RFX4: variants seen among roughly 807,000 people sequenced by gnomAD.
RFX4 encodes regulatory factor X4.
Under a neutral mutation model 95.0 loss-of-function variants are expected in RFX4, and 10 were observed. The ratio of observed to expected loss-of-function variants is 0.11; its 90% confidence interval spans 0.06 to 0.18. The LOEUF (loss-of-function observed/expected upper bound fraction) is 0.18. Ranked by LOEUF, RFX4 falls within the 10% of genes least tolerant of loss-of-function variation. The pLI is 1.00. For synonymous variants in RFX4, 321 were observed against 340.7 expected (o/e 0.94, Z 0.64); for missense variants, 640 against 922.0 (o/e 0.69, Z 3.96).
chr12:106,717,797 T>G (rs2042322129), intron 11 of RFX4, among the ~76,000 whole-genome samples: 1 of 152,182 alleles, frequency 6.6e-6, no homozygotes, highest in Non-Finnish European at 1.5e-5. Context: ...GTACCAAGCC[T>G]CAAGGCAGTC....
rs2041307544 is a variant in RFX4, at chr12:106,672,693, C to G, written c.316-9300C>G. On this transcript the variant is annotated intron_variant, in intron 4 of 17. Transcript: ENST00000392842. The stretch of plus-strand genomic sequence containing the variant: ...CTAAATTGTGCTGGGCTTTCAGATT[C>G]AGGGACCAGTTGATTATTTGGTGAA... Among the ~76,000 whole-genome samples the G allele has an allele frequency of 2.0e-5, 3 of 150,362 alleles. No individual in the cohort carries two copies. The Admixed American group carries it at 2.0e-4, about 10-fold the overall frequency.
At chr12:106,695,079 G>A (rs190343297) in intron 7 of RFX4, among the ~76,000 whole-genome samples, 239 of 152,222 alleles carry the variant, frequency 1.6e-3, no homozygotes, top group African/African-American at 5.3e-3. Context: ...GCCCCAAAAT[G>A]TTAGACTAGA....
At chr12:106,621,563 G>A (rs189624131) in intron 2 of RFX4, among the ~76,000 whole-genome samples, 4 of 152,278 alleles carry the variant, frequency 2.6e-5, no homozygotes, top group African/African-American at 9.6e-5. Flanking sequence ...TAGTCTCTAA[G>A]CTGCTACTTT....
At chr12:106,728,894 C>A (rs1215375898) in intron 13 of RFX4, among the ~76,000 whole-genome samples, 1 of 152,170 alleles carries the variant, frequency 6.6e-6, no homozygotes, top group African/African-American at 2.4e-5. Context: ...AGTAGCTCTA[C>A]AAACTCTTGT....
intron 1 of RFX4, among the ~76,000 whole-genome samples, chr12:106,608,451 C>G (rs560457962): frequency 1.3e-5 from 2 of 152,326 alleles, no homozygotes; most frequent in South Asian, 2.1e-4. Flanking sequence ...TCTGGTTTTA[C>G]AAACTGCTAC....
chr12:106,719,428 T>C (rs954251516), intron 11 of RFX4, among the ~76,000 whole-genome samples: 3 of 152,178 alleles, frequency 2.0e-5, no homozygotes, highest in African/African-American at 7.2e-5. Context: ...GGGTAACAAC[T>C]ATGTCACAGA....
At chr12:106,654,445 T>C in intron 4 of RFX4, 94 bp downstream of exon 4, 1 of 1,411,710 alleles carries the variant, frequency 7.1e-7, no homozygotes. Context: ...TTTTTTTAAG[T>C]TATCAAAGTA....
intron 15 of RFX4, among the ~76,000 whole-genome samples, chr12:106,746,327 G>T (rs1036505862): frequency 2.0e-5 from 3 of 146,540 alleles, no homozygotes; most frequent in Non-Finnish European, 4.4e-5. Context: ...CTGCACTCCA[G>T]CCTAGGTGAC....
chr12:106,601,046 C>A, intron 1 of RFX4: 3 of 1,089,112 alleles, frequency 2.8e-6, no homozygotes, highest in African/African-American at 3.2e-5. Flanking sequence ...GGTTCTAAAT[C>A]AATATTTGGT....
At chr12:106,604,163 C>T (rs1312383921) in intron 1 of RFX4, among the ~76,000 whole-genome samples, 2 of 148,892 alleles carry the variant, frequency 1.3e-5, no homozygotes, top group African/African-American at 5.0e-5. Context: ...CTCTGTCACC[C>T]AGGCTGGAGT....
At chr12:106,616,916 A>C (rs755601146) in intron 2 of RFX4, among the ~76,000 whole-genome samples, 8 of 149,330 alleles carry the variant, frequency 5.4e-5, no homozygotes, top group Non-Finnish European at 8.9e-5. Flanking sequence ...GTGCGCCACC[A>C]TGCCCGGCTA....
chr12:106,622,622 A>ATTT (rs34736856), intron 2 of RFX4, among the ~76,000 whole-genome samples: 3 of 132,264 alleles, frequency 2.3e-5, no homozygotes, highest in South Asian at 2.5e-4. Context: ...TCCAAGCTGC[A>ATTT]TTTTTTTTTT....
chr12:106,726,845 C>T (rs2042508826), intron 13 of RFX4, among the ~76,000 whole-genome samples: 1 of 152,080 alleles, frequency 6.6e-6, no homozygotes, highest in Non-Finnish European at 1.5e-5. Flanking sequence ...AATGTCGGCT[C>T]ACTGCAACCT....
At chr12:106,667,065 G>T (rs1261018758) in intron 4 of RFX4, among the ~76,000 whole-genome samples, 4 of 152,122 alleles carry the variant, frequency 2.6e-5, no homozygotes, top group African/African-American at 9.7e-5. Context: ...CTATTGTCCT[G>T]TGATTAGGTC....
At chr12:106,738,724 T>TTAGACTGGA (rs2042755558) in intron 15 of RFX4, among the ~76,000 whole-genome samples, 1 of 152,184 alleles carries the variant, frequency 6.6e-6, no homozygotes, top group Non-Finnish European at 1.5e-5. Context: ...CATTGCTAAA[T>TTAGACTGGA]TAGACTGGAT....
At position 106,687,111 on chromosome 12, in the gene RFX4, A is replaced by C; in HGVS notation, c.591+14A>C. 1.2e-6 allele frequency: 2 copies of C among 1,607,852 alleles called. No homozygotes were observed. Among genetic ancestry groups the C allele is most frequent in the Non-Finnish European group, 1.7e-6 (2 of 1,176,686 alleles). On this transcript the variant is annotated intron_variant, in intron 6 of 17. Transcript: ENST00000392842. ...CCTGAGGAGAAGGTAACTACAACTG[A>C]AGTGACTATTTGGGGTGGGTGGTTT...
intron 7 of RFX4, among the ~76,000 whole-genome samples, chr12:106,692,255 A>T (rs957266778): frequency 6.6e-6 from 1 of 152,080 alleles, no homozygotes; most frequent in Non-Finnish European, 1.5e-5. Flanking sequence ...TAGTCTTGTG[A>T]TTGAGTCTCA....
intron 1 of RFX4, among the ~76,000 whole-genome samples, chr12:106,603,029 T>A (rs938372188): frequency 6.6e-6 from 1 of 152,266 alleles, no homozygotes; most frequent in Non-Finnish European, 1.5e-5. Context: ...TATATGTGTG[T>A]CCTGTTGAAT....
In RFX4 at chr12:106,636,135, G is replaced by A. The variant is rs967971781; in HGVS notation, c.131-3197G>A. 2.6e-5 allele frequency among the ~76,000 whole-genome samples: 4 copies of A among 152,254 alleles called. No individual in the cohort carries two copies. In the East Asian group the frequency reaches 7.7e-4, roughly 29 times the overall value. On this transcript the variant is annotated intron_variant, in intron 2 of 17. Coordinates refer to ENST00000392842, the MANE Select transcript of RFX4 (RefSeq NM_213594.3). ...TTATGCTTGAGCAGAAGGGATGGAT[G>A]TATACAGAAATAATGCTCCAGTCAC...
Sources: allele counts gnomAD v4.1 joint callset (sites outside exome capture counted in the v4.1 genomes callset), GRCh38; gene constraint gnomAD v4.1.1; transcripts MANE v1.5; gene names NCBI Gene and HGNC (gene_info 2026-07-23, HGNC 2026-07-21).